The following ADHFE1 variants were observed in gnomAD, a reference collection of about 807,000 sequenced individuals.
ADHFE1 encodes alcohol dehydrogenase iron containing 1.
In ADHFE1, 37 loss-of-function variants were observed where a neutral mutation model predicts 54.8. The ratio of observed to expected loss-of-function variants is 0.68; its 90% CI spans 0.52 to 0.89. The LOEUF (loss-of-function observed/expected upper bound fraction) is 0.89, where lower values mean the gene tolerates loss of function less well. ADHFE1 is among the 40% of genes least tolerant of loss of function. ADHFE1 has a pLI of 0.00. For synonymous variants in ADHFE1, 203 were observed against 229.3 expected (o/e 0.89, Z 1.04); for missense variants, 601 against 591.2 (o/e 1.02, Z -0.17).
At chr8:66,458,223 A>G (rs990673202) in intron 12 of ADHFE1, among the ~76,000 whole-genome samples, 1 of 152,230 alleles carries the variant, frequency 6.6e-6, no homozygotes, top group African/African-American at 2.4e-5. Context: ...CAAGAAGGGA[A>G]AGGCTAAAAA....
chr8:66,463,436 G>T (rs1210505227), intron 13 of ADHFE1, among the ~76,000 whole-genome samples: 1 of 152,130 alleles, frequency 6.6e-6, no homozygotes, highest in Non-Finnish European at 1.5e-5. Context: ...TTTTTCCTCT[G>T]ATCATGTTTT....
intron 8 of ADHFE1, among the ~76,000 whole-genome samples, chr8:66,449,525 A>G (rs940303404): frequency 2.0e-5 from 3 of 152,172 alleles, no homozygotes; most frequent in South Asian, 4.1e-4. Context: ...GTTTTATTGA[A>G]CAAGAAAACT....
chr8:66,444,874 G>C (rs760863703), intron 5 of ADHFE1, 126 bp downstream of exon 5: 2 of 1,185,604 alleles, frequency 1.7e-6, no homozygotes, highest in Non-Finnish European at 2.4e-6. Flanking sequence ...GCTGAGGCAG[G>C]CAGATTGCTT....
rs751643822 is a variant in ADHFE1, at chr8:66,457,080, T to A, written c.1076T>A (p.Leu359His). The A allele has an allele frequency of 1.2e-6, 2 of 1,613,442 alleles. No individual in the cohort carries two copies. The highest frequency in any genetic ancestry group is 2.7e-5 in the African/African-American group (2 of 74,920). The part of the protein sequence containing the change: ...NVDHPLVPHG[L>H]SVVLTSPAVF... The stretch of plus-strand genomic sequence containing the variant: ...TTCGTTTCTCCCCAGCCCCATGGCC[T>A]TTCTGTGGTGCTCACGTCCCCAGCG... The change falls in exon 12 of 14, where the codon CTT becomes CAT. Residue 359 changes from leucine (L) to histidine (H), a missense_variant. By Grantham distance (99) the Leu-to-His change is moderately conservative. Transcript: ENST00000396623.
chr8:66,432,561 A>G lies in ADHFE1; in HGVS notation c.45A>G (p.Gln15=). The stretch of plus-strand genomic sequence containing the variant: ...CCCGGGTCGCGTACTTGCTGAGGCA[A>G]CTGCAACGCGCAGCGTGAGTGCGGG... ...ARARVAYLLR[Q]LQRAACQCPT... is the part of the protein sequence containing the mutation. The change falls in exon 1 of 14, where the codon CAA becomes CAG. Residue 15 remains glutamine (Q), a synonymous_variant. Coordinates refer to ENST00000396623, the MANE Select transcript of ADHFE1 (RefSeq NM_144650.3). 7.4e-7 allele frequency: 1 copy of G among 1,351,100 alleles called. No homozygotes were observed. Among genetic ancestry groups the G allele is most frequent in the Non-Finnish European group, 9.6e-7 (1 of 1,042,222 alleles). 83.7% of individuals were successfully genotyped at this position (1,351,100 alleles called of 1,614,324 possible). A position where few individuals can be genotyped will look rare whatever the true frequency, so the allele number is the denominator to read the frequency against.
chr8:66,462,695 G>T (rs1211867255), intron 13 of ADHFE1, among the ~76,000 whole-genome samples: 1 of 152,192 alleles, frequency 6.6e-6, no homozygotes, highest in East Asian at 1.9e-4. Flanking sequence ...TCTAAGAATG[G>T]TATCCATGAT....
intron 13 of ADHFE1, among the ~76,000 whole-genome samples, chr8:66,466,218 AC>A (rs1807173223): frequency 6.9e-6 from 1 of 145,774 alleles, no homozygotes; most frequent in South Asian, 2.2e-4. Context: ...ATAGCTGCCC[AC>A]CACCACACCC....
At chr8:66,440,904 C>T (rs1200520184) in intron 2 of ADHFE1, among the ~76,000 whole-genome samples, 1 of 152,196 alleles carries the variant, frequency 6.6e-6, no homozygotes, top group Non-Finnish European at 1.5e-5. Flanking sequence ...CAGAAACCCA[C>T]AGAGAAGCCT....
At chr8:66,443,264 ATTTTTTTTTTTTTTTTTT>A (rs540464621) in intron 3 of ADHFE1, among the ~76,000 whole-genome samples, 1 of 86,092 alleles carries the variant, frequency 1.2e-5, no homozygotes, top group Non-Finnish European at 2.4e-5. Context: ...TAGTCCAGGA[ATTTTTTTTTTTTTTTTTT>A]TTTTTTTTTT....
At position 66,439,678 on chromosome 8, in the gene ADHFE1, G is replaced by A. The variant is rs1805645462; in HGVS notation, c.60-484G>A. 2 of 987,724 alleles carry A rather than the reference G, an allele frequency of 2.0e-6. No homozygotes were observed. Among genetic ancestry groups the A allele is most frequent in the South Asian group, 9.3e-5 (2 of 21,514 alleles). 61.2% of individuals were successfully genotyped at this position (987,724 alleles called of 1,614,324 possible). A position where few individuals can be genotyped will look rare whatever the true frequency, so the allele number is the denominator to read the frequency against. On this transcript the variant is annotated intron_variant, in intron 1 of 13. Coordinates refer to ENST00000396623, the MANE Select transcript of ADHFE1 (RefSeq NM_144650.3). This position sits in a 1 kb window ranked among gnomAD's most constrained non-coding sequence, Gnocchi z 4.4. Reference sequence around the variant, plus strand: ...CCAGGAAGTTCTCCTGGAGGCTCAGGTCTAGAGCCTGCCTGAAGAAAAATT... The same window carrying A: ...CCAGGAAGTTCTCCTGGAGGCTCAGATCTAGAGCCTGCCTGAAGAAAAATT...
intron 10 of ADHFE1, among the ~76,000 whole-genome samples, chr8:66,456,006 G>A (rs1806567227): frequency 6.6e-6 from 1 of 152,072 alleles, no homozygotes. Flanking sequence ...AATAGTTCAA[G>A]AGGATATAAA....
intron 8 of ADHFE1, among the ~76,000 whole-genome samples, chr8:66,451,074 A>G (rs1269745050): frequency 1.3e-5 from 2 of 152,232 alleles, no homozygotes; most frequent in Non-Finnish European, 2.9e-5. Context: ...ACTGAAAACT[A>G]TAATTCATGC....
In ADHFE1 at chr8:66,452,074, G is replaced by A. The variant is rs770694758; in HGVS notation, c.856G>A (p.Ala286Thr). ...NPISDIWAIH[A>T]LRIVAKYLKR... is the part of the protein sequence containing the mutation. ...AATCAGTGACATTTGGGCTATCCAC[G>A]CGCTGCGGATCGTGGCTAAGTATCT... Residue 286 changes from alanine to threonine, a missense_variant, in exon 9 of 14, where the codon GCG becomes ACG. Physicochemically the swap from Ala to Thr is moderately conservative, Grantham distance 58 (BLOSUM62 0). Transcript: ENST00000396623. 1.2e-5 allele frequency: 20 copies of A among 1,614,038 alleles called. No individual in the cohort carries two copies. The highest frequency in any genetic ancestry group is 4.5e-5 in the East Asian group (2 of 44,894).
chr8:66,463,913 G>A (rs1427031809), intron 13 of ADHFE1, among the ~76,000 whole-genome samples: 1 of 152,190 alleles, frequency 6.6e-6, no homozygotes, highest in Non-Finnish European at 1.5e-5. Flanking sequence ...GTGTACAGAG[G>A]CTTTCAACTG....
intron 13 of ADHFE1, among the ~76,000 whole-genome samples, chr8:66,462,751 C>T (rs1806970210): frequency 6.6e-6 from 1 of 152,206 alleles, no homozygotes; most frequent in Non-Finnish European, 1.5e-5. Context: ...GATTGCTGAC[C>T]ATCAGTACAC....
chr8:66,463,175 T>A (rs1806992497), intron 13 of ADHFE1, among the ~76,000 whole-genome samples: 1 of 152,158 alleles, frequency 6.6e-6, no homozygotes, highest in Non-Finnish European at 1.5e-5. Context: ...AGCTTAACAT[T>A]TGAGACCACT....
rs1391322364 is a variant in ADHFE1 at position 66,454,005 on chromosome 8, T to A, written c.888-54T>A. ...CTTTCCCTAAGGCAGCTCCTTATTC[T>A]GTAGGAATTGCCAATGTTGATGTGT... is the stretch of plus-strand genomic sequence containing the variant. On this transcript the variant is annotated intron_variant, in intron 9 of 13. Coordinates refer to ENST00000396623, the MANE Select transcript of ADHFE1 (RefSeq NM_144650.3). 2.1e-5 allele frequency: 34 copies of A among 1,599,994 alleles called. No homozygotes were observed. In the South Asian group the frequency reaches 2.6e-4, roughly 12 times the overall value.
intron 2 of ADHFE1, 116 bp from the exon 3 acceptor site, chr8:66,442,682 A>G: frequency 1.1e-6 from 1 of 900,440 alleles, no homozygotes; most frequent in Non-Finnish European, 1.7e-6. Flanking sequence ...TGGAAAAAAT[A>G]TATTTTTGGT....
intron 6 of ADHFE1, among the ~76,000 whole-genome samples, chr8:66,446,254 G>A (rs1360909256): frequency 6.6e-6 from 1 of 152,178 alleles, no homozygotes; most frequent in African/African-American, 2.4e-5. Flanking sequence ...AACTGTGTCA[G>A]CATCACACAG....
Sources: allele counts gnomAD v4.1 joint callset (sites outside exome capture counted in the v4.1 genomes callset), GRCh38; gene constraint gnomAD v4.1.1; non-coding constraint Gnocchi (gnomAD v3.1); transcripts MANE v1.5; gene names NCBI Gene and HGNC (gene_info 2026-07-23, HGNC 2026-07-21).